The following ZBTB20 variants were observed in gnomAD, a reference collection of about 807,000 sequenced individuals.
The protein encoded by ZBTB20 is zinc finger and BTB domain containing 20.
In ZBTB20, 9 loss-of-function variants were observed where a neutral mutation model predicts 56.9. The ratio of observed to expected loss-of-function variants is 0.16; its 90% CI spans 0.10 to 0.28. ZBTB20 has a LOEUF of 0.28. Ranked by LOEUF, ZBTB20 falls within the 10% of genes least tolerant of loss-of-function variation. The probability of loss-of-function intolerance (pLI) is 1.00; values close to 1 mark genes in which losing one functional copy is unlikely to be tolerated. For missense variants in ZBTB20, 655 were observed against 1,003.0 expected, an observed-to-expected ratio of 0.65 and a Z score of 4.69; for synonymous variants, 417 against 420.7, an observed-to-expected ratio of 0.99 and a Z score of 0.11.
chr3:114,704,738 G>C (rs2063610026), intron 5 of ZBTB20, among the ~76,000 whole-genome samples: 1 of 152,120 alleles, frequency 6.6e-6, no homozygotes, highest in Non-Finnish European at 1.5e-5. Context: ...AGGAGTCTGA[G>C]ATACTAAGGT....
At chr3:115,133,208 G>A (rs544116305) in intron 1 of ZBTB20, among the ~76,000 whole-genome samples, 1 of 152,124 alleles carries the variant, frequency 6.6e-6, no homozygotes, top group South Asian at 2.1e-4. Flanking sequence ...TTCTTCTTAG[G>A]TCAATTTTTA....
At chr3:114,802,782 A>G (rs1380390458) in intron 4 of ZBTB20, among the ~76,000 whole-genome samples, 1 of 151,962 alleles carries the variant, frequency 6.6e-6, no homozygotes, top group African/African-American at 2.4e-5. Context: ...AATCTAATTC[A>G]CCAACTGGCA....
At chr3:114,967,680 G>A (rs1218025847) in intron 3 of ZBTB20, among the ~76,000 whole-genome samples, 2 of 146,006 alleles carry the variant, frequency 1.4e-5, no homozygotes, top group East Asian at 2.0e-4. Context: ...ATCTCGGCTG[G>A]TCGCAGTGGC....
At chr3:114,384,502 G>A (rs888673287) in intron 8 of ZBTB20, among the ~76,000 whole-genome samples, 1 of 151,122 alleles carries the variant, frequency 6.6e-6, no homozygotes, top group African/African-American at 2.4e-5. Flanking sequence ...CGTGGCCGCA[G>A]GCACCCGCCT....
chr3:114,768,814 T>A (rs1482286107), intron 5 of ZBTB20, among the ~76,000 whole-genome samples: 1 of 152,166 alleles, frequency 6.6e-6, no homozygotes, highest in Non-Finnish European at 1.5e-5. Context: ...AATGACTTCA[T>A]TAATATCACA....
intron 2 of ZBTB20, among the ~76,000 whole-genome samples, chr3:114,987,007 A>G (rs530135228): frequency 6.6e-6 from 1 of 152,134 alleles, no homozygotes. Context: ...GTGTCAAAAT[A>G]TTTTTGTAGC....
At chr3:114,753,592 G>A (rs907050497) in intron 5 of ZBTB20, among the ~76,000 whole-genome samples, 17 of 151,310 alleles carry the variant, frequency 1.1e-4, no homozygotes, top group Non-Finnish European at 2.2e-4. Flanking sequence ...GTGCTACCAC[G>A]CCCAGCTAAT....
chr3:114,748,344 TCTTTCTTTTCTC>T (rs1560202348), intron 5 of ZBTB20, among the ~76,000 whole-genome samples: 6 of 43,470 alleles, frequency 1.4e-4, no homozygotes, highest in African/African-American at 3.3e-4. Context: ...CTTCTTTCTT[TCTTTCTTTTCTC>T]TCTCTCTCTC....
At chr3:114,810,961 A>T (rs961758345) in intron 4 of ZBTB20, among the ~76,000 whole-genome samples, 9 of 152,292 alleles carry the variant, frequency 5.9e-5, no homozygotes, top group African/African-American at 1.9e-4. Flanking sequence ...ATATAGGGAT[A>T]AGGTTACCAA....
At chr3:114,475,788 A>C (rs1038195189) in intron 7 of ZBTB20, among the ~76,000 whole-genome samples, 1 of 152,214 alleles carries the variant, frequency 6.6e-6, no homozygotes, top group Non-Finnish European at 1.5e-5. Flanking sequence ...ATGTAGCATT[A>C]TTTTTATACT....
intron 1 of ZBTB20, among the ~76,000 whole-genome samples, chr3:115,128,759 G>C (rs1300278021): frequency 2.0e-5 from 3 of 146,512 alleles, no homozygotes; most frequent in Admixed American, 6.8e-5. Flanking sequence ...GGGGAGGGGA[G>C]GGAAGGGATG....
chr3:114,965,902 T>C (rs1256896731), intron 3 of ZBTB20, among the ~76,000 whole-genome samples: 1 of 152,166 alleles, frequency 6.6e-6, no homozygotes, highest in African/African-American at 2.4e-5. Context: ...ATATTTTGGA[T>C]ATTAACCCCT....
chr3:114,490,451 G>A (rs1343361160), intron 7 of ZBTB20, among the ~76,000 whole-genome samples: 1 of 152,024 alleles, frequency 6.6e-6, no homozygotes, highest in Non-Finnish European at 1.5e-5. Context: ...TCGAACTCTT[G>A]ACCTCGTGAT....
At chr3:114,383,093 G>A (rs2084594231) in intron 8 of ZBTB20, among the ~76,000 whole-genome samples, 1 of 152,176 alleles carries the variant, frequency 6.6e-6, no homozygotes, top group South Asian at 2.1e-4. Flanking sequence ...TACTTTTTAT[G>A]CAGCAAGGTA....
At chr3:114,627,237 C>T (rs2058703466) in intron 6 of ZBTB20, among the ~76,000 whole-genome samples, 2 of 152,108 alleles carry the variant, frequency 1.3e-5, no homozygotes, top group African/African-American at 4.8e-5. Context: ...AAATATTTGA[C>T]TAAACTAGGA....
chr3:114,933,918 A>G (rs1454263557), intron 3 of ZBTB20, among the ~76,000 whole-genome samples: 1 of 152,164 alleles, frequency 6.6e-6, no homozygotes, highest in Non-Finnish European at 1.5e-5. Flanking sequence ...TCCCAATGAG[A>G]AAATAAAGGT....
intron 4 of ZBTB20, among the ~76,000 whole-genome samples, chr3:114,861,357 C>A (rs1455330592): frequency 1.3e-5 from 2 of 151,972 alleles, no homozygotes; most frequent in African/African-American, 4.8e-5. Flanking sequence ...TTGCTAGTGT[C>A]CAGTACTGTG....
At chr3:114,538,167 A>G (rs910263077) in intron 6 of ZBTB20, among the ~76,000 whole-genome samples, 5 of 152,140 alleles carry the variant, frequency 3.3e-5, no homozygotes, top group Admixed American at 6.6e-5. Context: ...CTAAACCTAT[A>G]GAAACTCTAG....
intron 6 of ZBTB20, among the ~76,000 whole-genome samples, chr3:114,587,387 G>A (rs888986222): frequency 7.2e-5 from 11 of 152,090 alleles, no homozygotes; most frequent in South Asian, 2.1e-4. Context: ...AGTCAAAGCC[G>A]GAACAGGTGG....
Sources: gnomAD v4.1 joint callset for allele counts (sites outside exome capture counted in the v4.1 genomes callset) on GRCh38, gnomAD v4.1.1 for gene constraint, MANE v1.5 for transcripts, NCBI Gene and HGNC (gene_info 2026-07-23, HGNC 2026-07-21) for gene names.